Variants in SCARA5 observed in about 807,000 individuals in gnomAD.
SCARA5 encodes the protein scavenger receptor class A member 5.
In SCARA5, 45 loss-of-function variants were observed where a neutral mutation model predicts 46.3. The ratio of observed to expected loss-of-function variants is 0.97; its 90% CI spans 0.76 to 1.24. The LOEUF (loss-of-function observed/expected upper bound fraction) is 1.24. Ranked by LOEUF, SCARA5 falls within the 50% of genes most tolerant of loss-of-function variation. SCARA5 has a pLI of 0.00. For synonymous variants in SCARA5, 333 were observed against 306.5 expected (o/e 1.09, Z -0.90); for missense variants, 680 against 689.0 (o/e 0.99, Z 0.15).
chr8:27,883,245 C>T (rs894770716), intron 7 of SCARA5, among the ~76,000 whole-genome samples: 1 of 152,224 alleles, frequency 6.6e-6, no homozygotes, highest in South Asian at 2.1e-4. Flanking sequence ...ACCCAAAGAA[C>T]ACCAGAGCAA....
chr8:27,892,908 T>C (rs919241128), intron 7 of SCARA5, among the ~76,000 whole-genome samples: 1 of 152,160 alleles, frequency 6.6e-6, no homozygotes, highest in African/African-American at 2.4e-5. Context: ...ACCCAGCCTC[T>C]CACCTCTTCT....
chr8:27,891,960 C>G (rs930037192), intron 7 of SCARA5, among the ~76,000 whole-genome samples: 7 of 152,216 alleles, frequency 4.6e-5, no homozygotes, highest in Non-Finnish European at 1.0e-4. Context: ...GAGCGTGGCT[C>G]TCAACAGGCT....
rs71519658 is a variant in SCARA5, at chr8:27,871,889, G to T, written c.*45C>A. The stretch of plus-strand genomic sequence containing the variant: ...GCTGTGCCCCACCCCAGGGATGCAG[G>T]AAGGGTGCTCTGTGCAGGACCCCGA... On this transcript the variant is annotated 3_prime_UTR_variant, in exon 9 of 9. Coordinates refer to ENST00000354914, the MANE Select transcript of SCARA5 (RefSeq NM_173833.6). 6.2e-7 allele frequency: 1 copy of T among 1,611,950 alleles called. No individual in the cohort carries two copies. The highest frequency in any genetic ancestry group is 8.5e-7 in the Non-Finnish European group (1 of 1,179,358).
In SCARA5 at chr8:27,882,937, T is replaced by C. The variant is rs140103363; in HGVS notation, c.1154-3171A>G. On this transcript the variant is annotated intron_variant, in intron 7 of 8. Transcript: ENST00000354914. ...CCTTAAGGTAGCCTCACAACCTCTC[T>C]AAAGGCATTTCCCCAACTGCGACAT... Among the ~76,000 whole-genome samples the C allele has an allele frequency of 2.0e-3, 309 of 152,296 alleles. 2 individuals are homozygous for C. Among genetic ancestry groups the C allele is most frequent in the African/African-American group, 6.9e-3 (288 of 41,564 alleles).
intron 2 of SCARA5, among the ~76,000 whole-genome samples, chr8:27,970,948 T>C (rs1389978223): frequency 1.3e-5 from 2 of 152,198 alleles, no homozygotes; most frequent in Admixed American, 6.5e-5. Context: ...TTTATGCTGC[T>C]CAGTATTAGG....
At chr8:27,991,775 A>T (rs1808789194) in intron 1 of SCARA5, among the ~76,000 whole-genome samples, 1 of 152,190 alleles carries the variant, frequency 6.6e-6, no homozygotes, top group Non-Finnish European at 1.5e-5. Flanking sequence ...AGCTGGACAG[A>T]GACAGATATT....
rs866872944 is a variant in SCARA5, at chr8:27,905,529, G to A, written c.1097-695C>T. Among the ~76,000 whole-genome samples, 2 of 90,914 alleles carry A rather than the reference G, an allele frequency of 2.2e-5. 1 individual carries two copies. Among genetic ancestry groups the A allele is most frequent in the Non-Finnish European group, 5.6e-5 (2 of 35,976 alleles). The allele number at this position is 90,914 out of a possible 152,430, so 59.6% of individuals were successfully genotyped here. A position where few individuals can be genotyped will look rare whatever the true frequency, so the allele number is the denominator to read the frequency against. On this transcript the variant is annotated intron_variant, in intron 6 of 8. Coordinates refer to ENST00000354914, the MANE Select transcript of SCARA5 (RefSeq NM_173833.6). ...CCCAGGATGATCCAAGATTTGGGGG[G>A]GGGAAAAAAAAAAGGCAGCCATATA... is the stretch of plus-strand genomic sequence containing the variant.
chr8:27,922,107 T>G lies in SCARA5; in HGVS notation c.380A>C (p.Lys127Thr), dbSNP rs1807605822. ...CTGGTTCTGCAGCGCGTCCTGCACC[T>G]TCCACACCTGCTCCGTCAGGTCCGC... ...LQADLTEQVW[K>T]VQDALQNQSD... Residue 127 changes from lysine (K) to threonine (T), a missense_variant, in exon 4 of 9, where the codon AAG becomes ACG. This residue lies in a region of SCARA5 where 438 missense variants were observed against 384.5 expected (regional missense o/e 1.14). Transcript: ENST00000354914. The G allele has an allele frequency of 6.2e-7, 1 of 1,605,438 alleles. No individual in the cohort carries two copies.
intron 1 of SCARA5, 69 bp downstream of exon 1, chr8:27,992,188 C>T (rs975421705): frequency 1.3e-5 from 2 of 152,286 alleles, no homozygotes; most frequent in Non-Finnish European, 2.9e-5. Flanking sequence ...CCAGTTCACT[C>T]CAGTCTCCTC....
intron 7 of SCARA5, among the ~76,000 whole-genome samples, chr8:27,882,263 T>C (rs1021031515): frequency 1.3e-5 from 2 of 152,246 alleles, no homozygotes; most frequent in Non-Finnish European, 2.9e-5. Context: ...CCATTTTCTA[T>C]GTGCACCATA....
At chr8:27,894,997 G>A (rs939708) in intron 7 of SCARA5, among the ~76,000 whole-genome samples, 133,571 of 152,122 alleles carry the variant, frequency 0.88, 59,592 homozygotes, top group East Asian at 1. Flanking sequence ...CACCAGAAGG[G>A]ACCTAAAGTC....
chr8:27,983,925 C>G (rs907593242), intron 2 of SCARA5, among the ~76,000 whole-genome samples: 1 of 152,202 alleles, frequency 6.6e-6, no homozygotes, highest in Non-Finnish European at 1.5e-5. Context: ...CTCTCCTCCC[C>G]TCTTCCCACC....
At chr8:27,876,497 G>A (rs990447568) in intron 8 of SCARA5, among the ~76,000 whole-genome samples, 21 of 152,186 alleles carry the variant, frequency 1.4e-4, no homozygotes, top group African/African-American at 5.1e-4. Flanking sequence ...GGTGGCCCAG[G>A]GTTCTGGCTG....
chr8:27,950,646 A>T (rs1411579616), intron 3 of SCARA5, among the ~76,000 whole-genome samples: 2 of 152,044 alleles, frequency 1.3e-5, no homozygotes, highest in Non-Finnish European at 2.9e-5. Flanking sequence ...AGCCCTCAGG[A>T]TGCCTCACCT....
chr8:27,874,177 T>C (rs1806688080), intron 8 of SCARA5, among the ~76,000 whole-genome samples: 1 of 152,238 alleles, frequency 6.6e-6, no homozygotes, highest in Non-Finnish European at 1.5e-5. Flanking sequence ...TTCTATGTGT[T>C]TATTTAGAGT....
chr8:27,930,055 G>A (rs539913246), intron 3 of SCARA5, among the ~76,000 whole-genome samples: 3 of 152,260 alleles, frequency 2.0e-5, no homozygotes, highest in African/African-American at 7.2e-5. Flanking sequence ...CAGTCCTGCA[G>A]GCAGATAGTA....
At chr8:27,874,493 T>C (rs1355316016) in intron 8 of SCARA5, among the ~76,000 whole-genome samples, 3 of 152,230 alleles carry the variant, frequency 2.0e-5, no homozygotes, top group Non-Finnish European at 4.4e-5. Flanking sequence ...TAAAGTTGTA[T>C]TGGAACACAG....
intron 3 of SCARA5, among the ~76,000 whole-genome samples, chr8:27,932,955 A>G (rs201684635): frequency 6.6e-6 from 1 of 152,336 alleles, no homozygotes; most frequent in East Asian, 1.9e-4. Context: ...TTATAAGGAC[A>G]GCAGTCCTAT....
chr8:27,896,610 A>G (rs895628237), intron 7 of SCARA5, among the ~76,000 whole-genome samples: 3 of 152,096 alleles, frequency 2.0e-5, no homozygotes, highest in African/African-American at 7.2e-5. Context: ...GTTGAACTCA[A>G]TACAACCCCT....
Sources: gnomAD v4.1 joint callset for allele counts (sites outside exome capture counted in the v4.1 genomes callset) on GRCh38, gnomAD v4.1.1 for gene constraint, gnomAD v4.1.1 regional missense constraint, MANE v1.5 for transcripts, NCBI Gene and HGNC (gene_info 2026-07-23, HGNC 2026-07-21) for gene names.